Variants in DLG2 observed in about 807,000 individuals in gnomAD.
DLG2 encodes the protein discs large MAGUK scaffold protein 2.
Under a neutral mutation model 132.5 loss-of-function variants are expected in DLG2, and 45 were observed. The observed-to-expected ratio is 0.34, with a 90% CI of 0.27 to 0.44. DLG2 has a LOEUF of 0.44. Among genes scored for constraint, DLG2 ranks in the 20% least tolerant of loss-of-function variants. The probability of loss-of-function intolerance (pLI) is 1.00; values close to 1 mark genes in which losing one functional copy is unlikely to be tolerated. For missense variants in DLG2, 1,045 were observed against 1,196.9 expected (o/e 0.87, Z 1.87); for synonymous variants, 424 against 419.6 (o/e 1.01, Z -0.13).
chr11:85,300,024 A>G (rs1253177214), intron 3 of DLG2, among the ~76,000 whole-genome samples: 1 of 152,140 alleles, frequency 6.6e-6, no homozygotes, highest in Admixed American at 6.5e-5. Flanking sequence ...CATCTTTCCC[A>G]CCTTTTATTC....
intron 18 of DLG2, among the ~76,000 whole-genome samples, chr11:83,635,661 T>C (rs543847821): frequency 2.6e-5 from 4 of 152,272 alleles, no homozygotes; most frequent in East Asian, 3.9e-4. Context: ...TATTAAGACT[T>C]TTCCCCCCTT....
intron 3 of DLG2, among the ~76,000 whole-genome samples, chr11:85,413,099 C>T (rs186923825): frequency 6.6e-6 from 1 of 151,918 alleles, no homozygotes; most frequent in Admixed American, 6.6e-5. Context: ...TTTATTGTGG[C>T]CATTCTTGCA....
Position 85,204,960 on chromosome 11 carries a change from G to A in DLG2, c.187-50309C>T, listed in dbSNP as rs2081760596. Reference sequence around the variant, plus strand: ...GACAGACTATTCAAGAAATGGTGCTGAGAAAAGTGGATATCCACACGCAGA... The same window carrying A: ...GACAGACTATTCAAGAAATGGTGCTAAGAAAAGTGGATATCCACACGCAGA... On this transcript the variant is annotated intron_variant, in intron 4 of 27. Transcript: ENST00000376104. Among the ~76,000 whole-genome samples the A allele has an allele frequency of 2.0e-5, 3 of 151,962 alleles. 1 individual carries two copies. In the South Asian group the frequency reaches 6.2e-4, roughly 31 times the overall value.
Position 84,724,635 on chromosome 11 carries a change from A to G in DLG2, c.358-189904T>C, listed in dbSNP as rs1339776624. Among the ~76,000 whole-genome samples, 5 of 152,318 alleles carry G rather than the reference A, an allele frequency of 3.3e-5. No individual in the cohort carries two copies. In the South Asian group the frequency reaches 1.0e-3, roughly 32 times the overall value. On this transcript the variant is annotated intron_variant, in intron 6 of 27. Transcript: ENST00000376104. ...TTTAACTACATTAATATATTTAACC[A>G]TCACAATCACTCAATCTTACCAAAA...
chr11:84,862,860 G>T lies in DLG2; in HGVS notation c.357+248801C>A, dbSNP rs1026860503. Among the ~76,000 whole-genome samples, 28 of 150,362 alleles carry T rather than the reference G, an allele frequency of 1.9e-4. 1 individual carries two copies. Among genetic ancestry groups the T allele is most frequent in the African/African-American group, 5.1e-4 (21 of 40,924 alleles). ...GACTAGGGGAGGAATAGCATTAGGA[G>T]AAATACCTAATGTACGTGACGGGTT... is the stretch of plus-strand genomic sequence containing the variant. On this transcript the variant is annotated intron_variant, in intron 6 of 27. Transcript: ENST00000376104.
In DLG2 at chr11:85,379,027, T is replaced by C. The variant is rs562583959; in HGVS notation, c.41-93662A>G. Reference sequence around the variant, plus strand: ...GGAATAACAAGCAAAACAAAGCAAATAATACATAACTTCAGAATTCAATAT... The same window carrying C: ...GGAATAACAAGCAAAACAAAGCAAACAATACATAACTTCAGAATTCAATAT... On this transcript the variant is annotated intron_variant, in intron 3 of 27. Transcript: ENST00000376104. 1.5e-3 allele frequency among the ~76,000 whole-genome samples: 228 copies of C among 152,222 alleles called. 3 individuals are homozygous for C. The highest frequency in any genetic ancestry group is 5.2e-3 in the African/African-American group (216 of 41,564).
At chr11:83,897,360 G>C (rs2072054394) in intron 15 of DLG2, among the ~76,000 whole-genome samples, 1 of 152,120 alleles carries the variant, frequency 6.6e-6, no homozygotes, top group Admixed American at 6.6e-5. Context: ...TTGATTCAAA[G>C]GGAAGAACAC....
chr11:85,439,789 C>T (rs1425941558), intron 3 of DLG2, among the ~76,000 whole-genome samples: 1 of 152,110 alleles, frequency 6.6e-6, no homozygotes. Context: ...TAAGAAGACA[C>T]ATTGCATATT....
chr11:85,398,646 A>G (rs2087680335), intron 3 of DLG2, among the ~76,000 whole-genome samples: 1 of 152,138 alleles, frequency 6.6e-6, no homozygotes, highest in South Asian at 2.1e-4. Context: ...AATACTATAA[A>G]CATCCCTACA....
At chr11:85,229,695 G>A (rs1480160135) in intron 4 of DLG2, among the ~76,000 whole-genome samples, 5 of 152,090 alleles carry the variant, frequency 3.3e-5, no homozygotes, top group Non-Finnish European at 7.4e-5. Flanking sequence ...GCACACATAT[G>A]TTTACTGCAG....
At chr11:84,534,288 G>T (rs1436937852) in intron 7 of DLG2, among the ~76,000 whole-genome samples, 2 of 152,162 alleles carry the variant, frequency 1.3e-5, no homozygotes, top group Non-Finnish European at 2.9e-5. Context: ...TTAAAAATAT[G>T]TGGTTAGCTT....
intron 6 of DLG2, among the ~76,000 whole-genome samples, chr11:84,707,101 A>C (rs2153750248): frequency 6.6e-6 from 1 of 151,856 alleles, no homozygotes; most frequent in African/African-American, 2.4e-5. Flanking sequence ...AATGGAAGAA[A>C]AAACATGAAT....
intron 3 of DLG2, among the ~76,000 whole-genome samples, chr11:85,433,484 T>C (rs2091307814): frequency 6.6e-6 from 1 of 151,902 alleles, no homozygotes; most frequent in South Asian, 2.1e-4. Flanking sequence ...ACCAAGCAAA[T>C]GGAAAGCAGA....
At chr11:85,164,996 G>A (rs900146913) in intron 4 of DLG2, among the ~76,000 whole-genome samples, 1 of 152,172 alleles carries the variant, frequency 6.6e-6, no homozygotes, top group African/African-American at 2.4e-5. Context: ...ACCAGTAGGG[G>A]TGGGGCTCTA....
intron 7 of DLG2, among the ~76,000 whole-genome samples, chr11:84,506,415 G>A (rs2099241356): frequency 2.0e-5 from 3 of 152,166 alleles, no homozygotes; most frequent in Admixed American, 6.5e-5. Flanking sequence ...TGTGAGGACG[G>A]AAGCACAGTC....
chr11:85,112,599 G>A (rs1187514977), intron 5 of DLG2, among the ~76,000 whole-genome samples: 1 of 151,830 alleles, frequency 6.6e-6, no homozygotes, highest in Non-Finnish European at 1.5e-5. Context: ...GTGATTTACT[G>A]AACAACTAAA....
intron 11 of DLG2, among the ~76,000 whole-genome samples, chr11:84,002,023 C>A (rs2094373263): frequency 6.6e-6 from 1 of 152,000 alleles, no homozygotes; most frequent in African/African-American, 2.4e-5. Flanking sequence ...AAAGCAAGAA[C>A]AAACCCATCC....
intron 12 of DLG2, 119 bp from the exon 13 acceptor site, chr11:83,965,587 T>A: frequency 1.3e-6 from 1 of 776,526 alleles, no homozygotes; most frequent in South Asian, 1.8e-5. Flanking sequence ...ATCCTTGACA[T>A]AACAGATGAA....
At chr11:85,597,328 TTTAG>T (rs1370276666) in intron 3 of DLG2, among the ~76,000 whole-genome samples, 2 of 152,124 alleles carry the variant, frequency 1.3e-5, no homozygotes, top group Non-Finnish European at 2.9e-5. Flanking sequence ...TACATTGCCA[TTTAG>T]TTAATGACCT....
Sources: gnomAD v4.1 joint callset for allele counts (sites outside exome capture counted in the v4.1 genomes callset) on GRCh38, gnomAD v4.1.1 for gene constraint, MANE v1.5 for transcripts, NCBI Gene and HGNC (gene_info 2026-07-23, HGNC 2026-07-21) for gene names.